Variants in AGFG1 observed in about 807,000 individuals in gnomAD.
AGFG1 encodes the protein ArfGAP with FG repeats 1.
A neutral mutation model predicts 60.6 loss-of-function variants in AGFG1; 10 were observed. The observed-to-expected ratio is 0.16, with a 90% CI of 0.10 to 0.28. The LOEUF is 0.28. Among genes scored for constraint, AGFG1 ranks in the 10% least tolerant of loss-of-function variants. AGFG1 has a pLI of 1.00. For synonymous variants in AGFG1, 247 were observed against 242.9 expected (o/e 1.02, Z -0.16); for missense variants, 537 against 676.5 (o/e 0.79, Z 2.29).
At position 227,536,577 on chromosome 2, in the gene AGFG1, C is replaced by CT. The variant is rs747645398; in HGVS notation, c.1206-38dup. ...TGGCTACCCTGTAAATCGTTACTTT[C>CT]TTTTTTTTTTAAGAAAAAAAATGAA... On this transcript the variant is annotated intron_variant, in intron 8 of 12. Coordinates refer to ENST00000310078, the MANE Select transcript of AGFG1 (RefSeq NM_004504.5). 7.6e-3 allele frequency: 9,675 copies of CT among 1,271,250 alleles called. 7 individuals are homozygous for CT. Among genetic ancestry groups the CT allele is most frequent in the African/African-American group, 0.013 (868 of 65,448 alleles). The allele number at this position is 1,271,250 out of a possible 1,614,324, so 78.7% of individuals were successfully genotyped here. A position where few individuals can be genotyped will look rare whatever the true frequency, so the allele number is the denominator to read the frequency against.
At chr2:227,481,169 C>T (rs748004102) in intron 1 of AGFG1, among the ~76,000 whole-genome samples, 3 of 86,382 alleles carry the variant, frequency 3.5e-5, no homozygotes, top group Non-Finnish European at 6.7e-5. Flanking sequence ...GACATATTTT[C>T]TCCAATCTTC....
At chr2:227,551,288 G>A (rs888883016) in intron 10 of AGFG1, among the ~76,000 whole-genome samples, 1 of 152,132 alleles carries the variant, frequency 6.6e-6, no homozygotes, top group Non-Finnish European at 1.5e-5. Flanking sequence ...TCGCAAAGCT[G>A]TCTTCATTTA....
chr2:227,536,669 A>T lies in AGFG1; in HGVS notation c.1250A>T (p.Gln417Leu), dbSNP rs747387902. The T allele has an allele frequency of 6.2e-7, 1 of 1,613,816 alleles. No individual in the cohort carries two copies. Among genetic ancestry groups the T allele is most frequent in the Admixed American group, 1.7e-5 (1 of 59,994 alleles). The change falls in exon 9 of 13, where the codon CAG becomes CTG. Residue 417 changes from glutamine (Q) to leucine (L), a missense_variant. By Grantham distance (113) the Gln-to-Leu change is moderately radical. Around this residue, in one of 4 missense-constraint regions of AGFG1, gnomAD observed 287 missense variants for 343.6 expected, o/e 0.84. Transcript: ENST00000310078. ...CCAGTGGTTGCTTCTGCACAGACAC[A>T]GCCTGCTTCATCAAGTGTGCCTGCT... ...TVPVVASAQTQPASSSVPAPF... is the reference protein window; with the variant it reads ...TVPVVASAQTLPASSSVPAPF...
In AGFG1 at chr2:227,558,834, A is replaced by G. The variant is rs1343186105; in HGVS notation, c.*4339A>G. The G allele has an allele frequency of 6.6e-6, 1 of 152,194 alleles. No individual in the cohort carries two copies. The highest frequency in any genetic ancestry group is 1.5e-5 in the Non-Finnish European group (1 of 68,024). The allele number at this position is 152,194 out of a possible 1,614,324, so 9.4% of individuals were successfully genotyped here. On this transcript the variant is annotated 3_prime_UTR_variant, in exon 13 of 13. Transcript: ENST00000310078. ...CTGCCAATCTGATGTCATTAAATGC[A>G]GTTTGATGAAAGAGATAGCCAACCA...
At chr2:227,528,751 T>TGTC (rs1692069084) in intron 5 of AGFG1, among the ~76,000 whole-genome samples, 1 of 152,222 alleles carries the variant, frequency 6.6e-6, no homozygotes, top group South Asian at 2.1e-4. Context: ...CCAAAAATGG[T>TGTC]TAGACAAGTC....
chr2:227,489,670 C>T (rs1486693211), intron 1 of AGFG1, among the ~76,000 whole-genome samples: 1 of 152,104 alleles, frequency 6.6e-6, no homozygotes, highest in Non-Finnish European at 1.5e-5. Context: ...TTAACTTTTC[C>T]CTACTTTGAA....
At chr2:227,531,331 A>C in intron 6 of AGFG1, 121 bp downstream of exon 6, 1 of 1,199,194 alleles carries the variant, frequency 8.3e-7, no homozygotes, top group Non-Finnish European at 1.1e-6. Context: ...AAATGGTTCT[A>C]TCTTCAAAAG....
In AGFG1 at chr2:227,536,895, T is replaced by C; in HGVS notation, c.1286-6T>C. On this transcript the variant is annotated splice_polypyrimidine_tract_variant and splice_region_variant and intron_variant, in intron 9 of 12. Coordinates refer to ENST00000310078, the MANE Select transcript of AGFG1 (RefSeq NM_004504.5). Reference sequence around the variant, plus strand: ...ATTTTATAGTGTATTTTATAATTTTTTAAAGCTACGCCTTCCACAAATCCA... The same window carrying C: ...ATTTTATAGTGTATTTTATAATTTTCTAAAGCTACGCCTTCCACAAATCCA... 1 of 1,609,660 alleles carries C rather than the reference T, an allele frequency of 6.2e-7. No individual in the cohort carries two copies. The highest frequency in any genetic ancestry group is 8.5e-7 in the Non-Finnish European group (1 of 1,178,040).
At chr2:227,536,819 C>A in intron 9 of AGFG1, 82 bp from the exon 10 acceptor site, 1 of 1,542,232 alleles carries the variant, frequency 6.5e-7, no homozygotes, top group Non-Finnish European at 8.9e-7. Flanking sequence ...AGTTTTCTGT[C>A]TTGATAAATA....
At position 227,520,202 on chromosome 2, in the gene AGFG1, T is replaced by C; in HGVS notation, c.377+139T>C. 1.4e-5 allele frequency: 7 copies of C among 515,886 alleles called. No homozygotes were observed. In the South Asian group the frequency reaches 2.5e-4, roughly 18 times the overall value. 32.0% of individuals were successfully genotyped at this position (515,886 alleles called of 1,614,324 possible). Reference sequence around the variant, plus strand: ...TATATAATTCATTATCCCTTGGCTTTTTGTTGGTTTGGTTTCTGAAAACCT... The same window carrying C: ...TATATAATTCATTATCCCTTGGCTTCTTGTTGGTTTGGTTTCTGAAAACCT... On this transcript the variant is annotated intron_variant, in intron 3 of 12. Coordinates refer to ENST00000310078, the MANE Select transcript of AGFG1 (RefSeq NM_004504.5).
At chr2:227,508,884 A>G (rs1177760133) in intron 2 of AGFG1, among the ~76,000 whole-genome samples, 1 of 152,162 alleles carries the variant, frequency 6.6e-6, no homozygotes, top group Non-Finnish European at 1.5e-5. Context: ...TTCATATATT[A>G]TAAATGTGGA....
At chr2:227,543,896 TTC>T (rs1692565632) in intron 10 of AGFG1, among the ~76,000 whole-genome samples, 1 of 152,236 alleles carries the variant, frequency 6.6e-6, no homozygotes, top group African/African-American at 2.4e-5. Context: ...ATTGATCCTC[TTC>T]TTGTTGAATT....
chr2:227,480,715 C>G (rs575763535), intron 1 of AGFG1, among the ~76,000 whole-genome samples: 2 of 152,124 alleles, frequency 1.3e-5, no homozygotes, highest in Admixed American at 1.3e-4. Flanking sequence ...TCTGGAAATT[C>G]CCTTCACTTG....
chr2:227,497,171 C>T (rs189642290), intron 2 of AGFG1, among the ~76,000 whole-genome samples: 2 of 150,930 alleles, frequency 1.3e-5, no homozygotes, highest in South Asian at 2.1e-4. Context: ...CTCTTCCCCC[C>T]CCACCCCACA....
chr2:227,488,263 ACCCTG>A (rs1690698214), intron 1 of AGFG1, among the ~76,000 whole-genome samples: 1 of 152,170 alleles, frequency 6.6e-6, no homozygotes, highest in South Asian at 2.1e-4. Context: ...GCATTAATAT[ACCCTG>A]TGATATGATA....
At position 227,495,874 on chromosome 2, in the gene AGFG1, G is replaced by A. The variant is rs926848009; in HGVS notation, c.261+4234G>A. 5.3e-5 allele frequency among the ~76,000 whole-genome samples: 8 copies of A among 151,930 alleles called. No homozygotes were observed. The South Asian group carries it at 8.3e-4, about 16-fold the overall frequency. On this transcript the variant is annotated intron_variant, in intron 2 of 12. Coordinates refer to ENST00000310078, the MANE Select transcript of AGFG1 (RefSeq NM_004504.5). ...TCCCAGCTGTTTGGGAGGCTGAGGC[G>A]AATGGATCAGTTGAGGCCAGGAGTT...
At chr2:227,520,288 AC>A (rs139973556) in intron 3 of AGFG1, among the ~76,000 whole-genome samples, 8,246 of 152,274 alleles carry the variant, frequency 0.054, 290 homozygotes, top group African/African-American at 0.09. Context: ...TGTAATAATT[AC>A]CAGGAAAGTT....
intron 7 of AGFG1, among the ~76,000 whole-genome samples, 196 bp from the exon 8 acceptor site, chr2:227,534,649 C>T (rs1692256635): frequency 6.6e-6 from 1 of 152,136 alleles, no homozygotes; most frequent in Non-Finnish European, 1.5e-5. Context: ...GAGACATATT[C>T]TGTCTTTATC....
chr2:227,543,142 G>A (rs898351235), intron 10 of AGFG1, among the ~76,000 whole-genome samples: 1 of 151,878 alleles, frequency 6.6e-6, no homozygotes, highest in Non-Finnish European at 1.5e-5. Context: ...AGGGTTTTTT[G>A]TGTCTCTCTC....
Sources: allele counts gnomAD v4.1 joint callset (sites outside exome capture counted in the v4.1 genomes callset), GRCh38; gene constraint gnomAD v4.1.1; regional missense constraint gnomAD v4.1.1; transcripts MANE v1.5; gene names NCBI Gene and HGNC (gene_info 2026-07-23, HGNC 2026-07-21).